Variants in MACF1 observed in about 807,000 individuals in gnomAD.
MACF1 encodes the protein microtubule-actin cross-linking factor 1.
In MACF1, 193 loss-of-function variants were observed where a neutral mutation model predicts 854.8. That is an observed-to-expected ratio of 0.23 (90% CI 0.20 to 0.25). The LOEUF (loss-of-function observed/expected upper bound fraction) is 0.25. Ranked by LOEUF, MACF1 falls within the 10% of genes least tolerant of loss-of-function variation. MACF1 has a pLI of 1.00. For missense variants in MACF1, 7,722 were observed against 8,929.1 expected, an observed-to-expected ratio of 0.86 and a Z score of 5.45; for synonymous variants, 3,185 against 3,226.7, an observed-to-expected ratio of 0.99 and a Z score of 0.44.
chr1:39,475,436 T>G (rs1356698000), intron 97 of MACF1, among the ~76,000 whole-genome samples: 1 of 140,374 alleles, frequency 7.1e-6, no homozygotes, highest in Non-Finnish European at 1.5e-5. Context: ...GTCACTGCAC[T>G]CCAGCCTGGG....
At chr1:39,366,943 CTTTTTTT>C (rs138556133) in intron 49 of MACF1, among the ~76,000 whole-genome samples, 5 of 93,024 alleles carry the variant, frequency 5.4e-5, no homozygotes, top group Admixed American at 2.4e-4. Context: ...CATGCCTGGC[CTTTTTTT>C]TTTTTTTTTT....
Position 39,310,788 on chromosome 1 carries a change from C to T in MACF1, c.3101-43C>T, listed in dbSNP as rs768695679. The T allele has an allele frequency of 1.9e-6, 3 of 1,559,154 alleles. No individual in the cohort carries two copies. The Admixed American group carries it at 5.6e-5, about 29-fold the overall frequency. On this transcript the variant is annotated intron_variant, in intron 25 of 100. Coordinates refer to ENST00000564288, the MANE Select transcript of MACF1 (RefSeq NM_001394062.1). ...AGTAGGATATCAGGTCTGCTTATCT[C>T]TGATGTCGAGCTTACTGGTCTTTTG...
intron 2 of MACF1, among the ~76,000 whole-genome samples, chr1:39,235,178 G>C (rs1482412386): frequency 2.1e-4 from 31 of 150,414 alleles, no homozygotes; most frequent in Non-Finnish European, 3.6e-4. Context: ...AGGTTGTAGC[G>C]AGCCGAGATC....
At chr1:39,136,880 A>T (rs575650713) in intron 2 of MACF1, among the ~76,000 whole-genome samples, 4 of 152,236 alleles carry the variant, frequency 2.6e-5, no homozygotes, top group African/African-American at 9.6e-5. Flanking sequence ...CAAGCGTGAG[A>T]GTGTTCAGTT....
At chr1:39,411,087 G>A in intron 58 of MACF1, 1 of 1,613,594 alleles carries the variant, frequency 6.2e-7, no homozygotes, top group Non-Finnish European at 8.5e-7. Flanking sequence ...TCAGTGAGAA[G>A]CAGCACCCCC....
rs149135701 is a variant in MACF1, at chr1:39,424,577, T to A, written c.16316+383T>A. ...TGATACTTGGAATTGAAATGTGTCA[T>A]ATTTCTTTTCTATTAGCTTATAGTA... On this transcript the variant is annotated intron_variant, in intron 61 of 100. Transcript: ENST00000564288. Among the ~76,000 whole-genome samples the A allele has an allele frequency of 2.5e-3, 375 of 152,348 alleles. 2 individuals are homozygous for A. The highest frequency in any genetic ancestry group is 8.6e-3 in the African/African-American group (356 of 41,568).
intron 23 of MACF1, chr1:39,304,614 A>G (rs2148422858): frequency 3.4e-6 from 2 of 584,188 alleles, no homozygotes; most frequent in Middle Eastern, 4.0e-4. Context: ...CTCAGGCTGG[A>G]GTGCAGTGGC....
At chr1:39,461,480 A>T (rs1171088720) in intron 92 of MACF1, among the ~76,000 whole-genome samples, 1 of 152,048 alleles carries the variant, frequency 6.6e-6, no homozygotes, top group African/African-American at 2.4e-5. Context: ...CAAGACATAA[A>T]TTTTTTTGCT....
chr1:39,291,810 A>G, intron 15 of MACF1, 100 bp from the exon 16 acceptor site: 1 of 1,228,788 alleles, frequency 8.1e-7, no homozygotes, highest in Non-Finnish European at 1.1e-6. Context: ...CCTTTTGCTC[A>G]GTCCTCTACC....
intron 58 of MACF1, among the ~76,000 whole-genome samples, chr1:39,401,877 C>A (rs894257096): frequency 2.0e-5 from 3 of 152,178 alleles, no homozygotes; most frequent in African/African-American, 7.2e-5. Flanking sequence ...TTTTAGAAAT[C>A]TCTTCTCTCT....
Position 39,309,666 on chromosome 1 carries a change from T to G in MACF1, c.2886T>G (p.Leu962=). 6.2e-7 allele frequency: 1 copy of G among 1,614,184 alleles called. No homozygotes were observed. The highest frequency in any genetic ancestry group is 1.1e-5 in the South Asian group (1 of 91,088). Residue 962 remains leucine, a synonymous_variant, in exon 24 of 101, where the codon CTT becomes CTG. Coordinates refer to ENST00000564288, the MANE Select transcript of MACF1 (RefSeq NM_001394062.1). ...CTTGGAACTATCTGCGTAAAGACCT[T>G]GACCTTGTACAGACCTGGAACCTAG... ...LISWNYLRKD[L]DLVQTWNLEK...
chr1:39,441,373 T>C lies in MACF1; in HGVS notation c.18672+48T>C, dbSNP rs758083479. ...CCAAGGAAATACAGGTTCTGTTTTT[T>C]GCCATTTTTGTCATTTTTGGAATTA... On this transcript the variant is annotated intron_variant, in intron 74 of 100. Coordinates refer to ENST00000564288, the MANE Select transcript of MACF1 (RefSeq NM_001394062.1). 4 of 1,492,204 alleles carry C rather than the reference T, an allele frequency of 2.7e-6. No homozygotes were observed. In the Admixed American group the frequency reaches 5.2e-5, roughly 19 times the overall value. 92.4% of individuals were successfully genotyped at this position (1,492,204 alleles called of 1,614,324 possible).
chr1:39,468,256 C>T (rs1013871420), intron 95 of MACF1: 11 of 179,296 alleles, frequency 6.1e-5, no homozygotes, highest in Non-Finnish European at 1.2e-4. Context: ...GGCGTGATGG[C>T]ACACGCCTAA....
At chr1:39,444,947 T>TGCTACACTCTG in intron 80 of MACF1, 112 bp downstream of exon 80, 1 of 927,808 alleles carries the variant, frequency 1.1e-6, no homozygotes, top group South Asian at 1.8e-5. Context: ...GTAACAGAAG[T>TGCTACACTCTG]TGCAGAACTG....
chr1:39,292,946 G>T, intron 17 of MACF1, 103 bp downstream of exon 17: 2 of 886,520 alleles, frequency 2.3e-6, no homozygotes, highest in Non-Finnish European at 3.5e-6. Context: ...CCCTGTTTTG[G>T]TTTTCTGCTT....
chr1:39,117,377 G>A (rs961653996), intron 2 of MACF1, among the ~76,000 whole-genome samples: 3 of 151,892 alleles, frequency 2.0e-5, no homozygotes, highest in Admixed American at 2.0e-4. Context: ...CTTGTTTTGC[G>A]CTCCTTGTTT....
intron 2 of MACF1, among the ~76,000 whole-genome samples, chr1:39,181,509 C>T (rs583572): frequency 0.035 from 5,266 of 152,020 alleles, 244 homozygotes; most frequent in African/African-American, 0.11. Context: ...TCTTATTCTT[C>T]GTCTTCCTCT....
chr1:39,352,434 C>T (rs903532244), intron 43 of MACF1, among the ~76,000 whole-genome samples: 1 of 152,208 alleles, frequency 6.6e-6, no homozygotes, highest in African/African-American at 2.4e-5. Context: ...GCCAGTCCGG[C>T]ACTTCTGTGT....
Position 39,358,743 on chromosome 1 carries a change from A to G in MACF1, c.11990A>G (p.His3997Arg), listed in dbSNP as rs1336240882. 1.2e-6 allele frequency: 2 copies of G among 1,614,016 alleles called. No individual in the cohort carries two copies. Among genetic ancestry groups the G allele is most frequent in the African/African-American group, 1.3e-5 (1 of 74,928 alleles). ...CTGAATATGCTGTTAGGCCAGTATC[A>G]TCAATTCCAAAACAGTGCTGACAGC... ...SHLNMLLGQY[H>R]QFQNSADSLQ... Residue 3997 changes from histidine to arginine, a missense_variant, in exon 46 of 101, where the codon CAT becomes CGT. Physicochemically the swap from His to Arg is conservative, Grantham distance 29. This residue lies in a region of MACF1 where 2,807 missense variants were observed against 3,235.8 expected (regional missense o/e 0.87). Transcript: ENST00000564288.
Sources: allele counts gnomAD v4.1 joint callset (sites outside exome capture counted in the v4.1 genomes callset), GRCh38; gene constraint gnomAD v4.1.1; regional missense constraint gnomAD v4.1.1; transcripts MANE v1.5; gene names NCBI Gene and HGNC (gene_info 2026-07-23, HGNC 2026-07-21).